The following GATM variants were observed in gnomAD, a reference collection of about 807,000 sequenced individuals.
The protein encoded by GATM is glycine amidinotransferase.
In GATM, 23 loss-of-function variants were observed where a neutral mutation model predicts 54.2. The ratio of observed to expected loss-of-function variants is 0.42; its 90% CI spans 0.31 to 0.60. The LOEUF (loss-of-function observed/expected upper bound fraction) is 0.60. Ranked by LOEUF, GATM falls within the 20% of genes least tolerant of loss-of-function variation. GATM has a pLI of 0.14. For synonymous variants in GATM, 168 were observed against 183.1 expected, an observed-to-expected ratio of 0.92 and a Z score of 0.67; for missense variants, 401 against 544.9, an observed-to-expected ratio of 0.74 and a Z score of 2.63.
chr15:45,382,302 T>C (rs1889750774), upstream of GATM, among the ~76,000 whole-genome samples: 1 of 151,984 alleles, frequency 6.6e-6, no homozygotes, highest in Admixed American at 6.6e-5. Context: ...CATAGGGGAG[T>C]TACCCTGCAG....
chr15:45,362,324 T>C, intron 8 of GATM, 103 bp from the exon 9 acceptor site: 3 of 734,828 alleles, frequency 4.1e-6, no homozygotes, highest in Non-Finnish European at 7.4e-6. Context: ...TTCTAATCCT[T>C]AAGGATACCC....
Position 45,378,397 on chromosome 15 carries a change from G to A in GATM, c.57C>T (p.Tyr19=), listed in dbSNP as rs1052590218. 3.2e-5 allele frequency: 48 copies of A among 1,513,622 alleles called. No homozygotes were observed. Among genetic ancestry groups the A allele is most frequent in the Admixed American group, 6.2e-5 (3 of 48,698 alleles). 93.8% of individuals were successfully genotyped at this position (1,513,622 alleles called of 1,614,324 possible). A position where few individuals can be genotyped will look rare whatever the true frequency, so the allele number is the denominator to read the frequency against. ...GGSRGAEAVH[Y]IGSRLGRTLT... The stretch of plus-strand genomic sequence containing the variant: ...GTGGCGCACGCACCCGAGATCCGAT[G>A]TAGTGCACCGCCTCGGCGCCGCGGC... Residue 19 remains tyrosine, a synonymous_variant, in exon 1 of 9, where the codon TAC becomes TAT. Transcript: ENST00000396659.
At chr15:45,376,519 G>T in intron 2 of GATM, 82 bp downstream of exon 2, 1 of 1,175,308 alleles carries the variant, frequency 8.5e-7, no homozygotes, top group Non-Finnish European at 1.3e-6. Context: ...CTGGGAGTAA[G>T]CTGAAGGGAA....
intron 2 of GATM, among the ~76,000 whole-genome samples, chr15:45,371,836 A>G (rs1276082456): frequency 6.6e-6 from 1 of 152,244 alleles, no homozygotes; most frequent in East Asian, 1.9e-4. Flanking sequence ...TTACTCATCA[A>G]GACTGATCAA....
intron 2 of GATM, 75 bp from the exon 3 acceptor site, chr15:45,369,596 C>G (rs930675198): frequency 3.1e-6 from 4 of 1,289,950 alleles, no homozygotes; most frequent in African/African-American, 3.0e-5. Flanking sequence ...AGGCAGTAAA[C>G]AGCTCTTTGT....
intron 3 of GATM, chr15:45,396,264 A>G (rs1889928814): frequency 6.6e-6 from 1 of 152,202 alleles, no homozygotes; most frequent in African/African-American, 2.4e-5. Flanking sequence ...CTGATCTTAC[A>G]CAATACTGGG....
At chr15:45,372,224 T>C (rs1295265858) in intron 2 of GATM, among the ~76,000 whole-genome samples, 1 of 152,146 alleles carries the variant, frequency 6.6e-6, no homozygotes, top group Non-Finnish European at 1.5e-5. Context: ...CAGCTGAGAG[T>C]TGAGTAGTTG....
chr15:45,394,254 G>A (rs923237457), intron 3 of GATM, among the ~76,000 whole-genome samples: 17 of 152,166 alleles, frequency 1.1e-4, no homozygotes, highest in African/African-American at 3.9e-4. Flanking sequence ...GGCATGCAGA[G>A]GATCTAGGTT....
At chr15:45,369,225 C>A in intron 3 of GATM, 101 bp downstream of exon 3, 1 of 940,730 alleles carries the variant, frequency 1.1e-6, no homozygotes, top group Non-Finnish European at 1.7e-6. Context: ...ACTAGCAAAG[C>A]AAAGGACTCT....
At chr15:45,392,331 C>T (rs907612736) in intron 3 of GATM, among the ~76,000 whole-genome samples, 1 of 152,196 alleles carries the variant, frequency 6.6e-6, no homozygotes, top group African/African-American at 2.4e-5. Context: ...TACGTGACTA[C>T]AACACTCTTG....
At chr15:45,394,684 G>C (rs1020202999) in intron 3 of GATM, among the ~76,000 whole-genome samples, 1 of 152,186 alleles carries the variant, frequency 6.6e-6, no homozygotes, top group Non-Finnish European at 1.5e-5. Context: ...AAAATGCCTA[G>C]GCATTCATGG....
intron 8 of GATM, 46 bp from the exon 9 acceptor site, chr15:45,362,267 G>A (rs201589362): frequency 7.7e-5 from 89 of 1,155,592 alleles, no homozygotes; most frequent in Non-Finnish European, 1.1e-4. Context: ...CTAACATGAC[G>A]ATTCTCATAG....
chr15:45,369,722 C>T, intron 2 of GATM: 1 of 589,262 alleles, frequency 1.7e-6, no homozygotes, highest in Non-Finnish European at 3.0e-6. Flanking sequence ...AACTCTAAAA[C>T]ATCTTGATAT....
intron 5 of GATM, 53 bp from the exon 6 acceptor site, chr15:45,366,263 A>T (rs958399901): frequency 6.2e-7 from 1 of 1,610,870 alleles, no homozygotes. Flanking sequence ...CTATGTCTAG[A>T]AAACTAAAAA....
At position 45,366,466 on chromosome 15, in the gene GATM, C is replaced by A. The variant is rs2140641908; in HGVS notation, c.718G>T (p.Ala240Ser). Residue 240 changes from alanine (A) to serine (S), a missense_variant, in exon 5 of 9, where the codon GCT (alanine) becomes TCT (serine). Ala to Ser is a moderately conservative substitution (Grantham distance 99). Coordinates refer to ENST00000396659, the MANE Select transcript of GATM (RefSeq NM_001482.3). ...HSVEDRHKLAAQGKFVTTEFE... is the reference protein window; with the variant it reads ...HSVEDRHKLASQGKFVTTEFE... ...TCAGTTGTCACAAATTTTCCCTGAGCAGCCAATTTGTGTCTGTCTTCTACA... is the reference window on the plus strand; with the variant it reads ...TCAGTTGTCACAAATTTTCCCTGAGAAGCCAATTTGTGTCTGTCTTCTACA... 6.2e-7 allele frequency: 1 copy of A among 1,614,104 alleles called. No individual in the cohort carries two copies. The highest frequency in any genetic ancestry group is 1.1e-5 in the South Asian group (1 of 91,088).
rs1026913095 is a variant in GATM at position 45,398,797 on chromosome 15, G to C, written c.-480+749C>G. Among the ~76,000 whole-genome samples, 5 of 152,118 alleles carry C rather than the reference G, an allele frequency of 3.3e-5. No individual in the cohort carries two copies. The South Asian group carries it at 1.0e-3, about 32-fold the overall frequency. On this transcript the variant is annotated intron_variant, in intron 2 of 4. Transcript: ENST00000561148. ...AACACAAAAATGGAAATGCTGGAAA[G>C]ATTAACATTATTTAATCTACAGATG...
chr15:45,382,240 A>G (rs911495352), upstream of GATM, among the ~76,000 whole-genome samples: 1 of 152,152 alleles, frequency 6.6e-6, no homozygotes, highest in African/African-American at 2.4e-5. Context: ...CCTCAAAACT[A>G]TTCACCTCCT....
intron 1 of GATM, among the ~76,000 whole-genome samples, chr15:45,401,661 TAAGC>T: frequency 6.6e-6 from 1 of 152,358 alleles, no homozygotes; most frequent in Admixed American, 6.5e-5. Flanking sequence ...AATTAGACAG[TAAGC>T]ATTGATCGCA....
At chr15:45,391,993 A>G (rs763297011) in intron 3 of GATM, among the ~76,000 whole-genome samples, 17 of 152,230 alleles carry the variant, frequency 1.1e-4, no homozygotes, top group Non-Finnish European at 2.4e-4. Context: ...ACCCAGCTTT[A>G]AAGCCTGACC....
Sources: allele counts gnomAD v4.1 joint callset (sites outside exome capture counted in the v4.1 genomes callset), GRCh38; gene constraint gnomAD v4.1.1; transcripts MANE v1.5; gene names NCBI Gene and HGNC (gene_info 2026-07-23, HGNC 2026-07-21).